ZMYND19: variants seen among roughly 807,000 people sequenced by gnomAD.
The protein encoded by ZMYND19 is zinc finger MYND domain-containing protein 19.
A neutral mutation model predicts 32.0 loss-of-function variants in ZMYND19; 17 were observed. That is an observed-to-expected ratio of 0.53 (90% CI 0.36 to 0.80). ZMYND19 has a LOEUF of 0.80. Among genes scored for constraint, ZMYND19 ranks in the 30% least tolerant of loss-of-function variants. The pLI is 0.00. For synonymous variants in ZMYND19, 124 were observed against 113.6 expected, an observed-to-expected ratio of 1.09 and a Z score of -0.58; for missense variants, 250 against 293.6, an observed-to-expected ratio of 0.85 and a Z score of 1.09.
intron 1 of ZMYND19, chr9:137,588,944 C>A: frequency 1.9e-6 from 1 of 539,220 alleles, no homozygotes; most frequent in Admixed American, 3.2e-5. Flanking sequence ...AGCCAGCTGC[C>A]CACTTTAGTC....
chr9:137,582,449 C>CA lies in ZMYND19; in HGVS notation c.*93_*94insT. 6.6e-7 allele frequency: 1 copy of CA among 1,516,854 alleles called. No individual in the cohort carries two copies. Among genetic ancestry groups the CA allele is most frequent in the Non-Finnish European group, 8.8e-7 (1 of 1,134,474 alleles). 94.0% of individuals were successfully genotyped at this position (1,516,854 alleles called of 1,614,324 possible). ...GCAGCTGTCCTGGGCCCGCAGCTGG[C>CA]TTTTTTGGCACCTCCAGGTTCAACC... On this transcript the variant is annotated 3_prime_UTR_variant, in exon 6 of 6. Coordinates refer to ENST00000298585, the MANE Select transcript of ZMYND19 (RefSeq NM_138462.3).
At chr9:137,589,276 GA>G in intron 1 of ZMYND19, 3 of 966,370 alleles carry the variant, frequency 3.1e-6, no homozygotes, top group Non-Finnish European at 3.7e-6. Flanking sequence ...TTCCCTGGTG[GA>G]AAAAAGCCTC....
chr9:137,587,574 G>C, intron 3 of ZMYND19, 143 bp downstream of exon 3: 1 of 728,454 alleles, frequency 1.4e-6, no homozygotes, highest in East Asian at 2.5e-5. Context: ...TTGGGTTAGT[G>C]GTGAAGGACA....
chr9:137,584,690 G>GCCTTCC (rs1474028107), intron 4 of ZMYND19, among the ~76,000 whole-genome samples: 7 of 152,170 alleles, frequency 4.6e-5, no homozygotes, highest in Non-Finnish European at 1.0e-4. Flanking sequence ...TGCCAAGCAC[G>GCCTTCC]CCTTCCCCTT....
chr9:137,586,145 G>A (rs547518875), intron 4 of ZMYND19, among the ~76,000 whole-genome samples: 9 of 152,376 alleles, frequency 5.9e-5, no homozygotes, highest in African/African-American at 2.2e-4. Context: ...CAGGCAGGTC[G>A]GGGGCCGAGG....
At chr9:137,589,304 G>A (rs964006649) in intron 1 of ZMYND19, 4 of 983,636 alleles carry the variant, frequency 4.1e-6, no homozygotes, top group Admixed American at 6.1e-5. Flanking sequence ...AGCAGGCCCT[G>A]CCTATGCTCT....
chr9:137,587,488 G>A, intron 3 of ZMYND19: 1 of 604,308 alleles, frequency 1.7e-6, no homozygotes, highest in East Asian at 2.8e-5. Flanking sequence ...CCCTCCAGAG[G>A]CTGCCGGTCC....
intron 3 of ZMYND19, chr9:137,587,350 A>G: frequency 1.5e-6 from 1 of 649,568 alleles, no homozygotes; most frequent in Non-Finnish European, 2.6e-6. Flanking sequence ...ACTTCAGAGC[A>G]CAGACAGCCA....
intron 4 of ZMYND19, among the ~76,000 whole-genome samples, chr9:137,585,396 C>A (rs1240985127): frequency 7.8e-6 from 1 of 128,624 alleles, no homozygotes; most frequent in Non-Finnish European, 1.5e-5. Flanking sequence ...GCCTAGGCAA[C>A]AGAGCCAGAC....
chr9:137,583,519 ACTTCCCCTTC>A (rs1842170534), intron 4 of ZMYND19, among the ~76,000 whole-genome samples: 1 of 152,062 alleles, frequency 6.6e-6, no homozygotes, highest in Non-Finnish European at 1.5e-5. Flanking sequence ...CCGTCGGTCC[ACTTCCCCTTC>A]CATACCGGGA....
rs1178665456 is a variant in ZMYND19 at position 137,582,274 on chromosome 9, C to CA, written c.*268dup. On this transcript the variant is annotated 3_prime_UTR_variant, in exon 6 of 6. Coordinates refer to ENST00000298585, the MANE Select transcript of ZMYND19 (RefSeq NM_138462.3). ...TCTACCCTTCCCATTGCCTCCCCCC[C>CA]AAAAAAAACTGTACATGAGTTTACA... 5.0e-4 allele frequency: 175 copies of CA among 346,960 alleles called. No homozygotes were observed. The highest frequency in any genetic ancestry group is 2.3e-3 in the Middle Eastern group (3 of 1,310). The allele number at this position is 346,960 out of a possible 1,614,324, so 21.5% of individuals were successfully genotyped here.
At position 137,590,055 on chromosome 9, in the gene ZMYND19, G is replaced by A; in HGVS notation, c.51+158C>T. On this transcript the variant is annotated intron_variant, in intron 1 of 5. Transcript: ENST00000298585. This position sits in a 1 kb window ranked among gnomAD's most constrained non-coding sequence, Gnocchi z 4.2. Reference sequence around the variant, plus strand: ...TGCGAGAGGAAGCTGCACCCGCGCGGGGCCAGCAGCCGGGCCCGCGCAGCG... The same window carrying A: ...TGCGAGAGGAAGCTGCACCCGCGCGAGGCCAGCAGCCGGGCCCGCGCAGCG... The A allele has an allele frequency of 1.0e-6, 1 of 983,436 alleles. No homozygotes were observed. Among genetic ancestry groups the A allele is most frequent in the Non-Finnish European group, 1.2e-6 (1 of 828,886 alleles). The allele number at this position is 983,436 out of a possible 1,614,324, so 60.9% of individuals were successfully genotyped here.
intron 4 of ZMYND19, among the ~76,000 whole-genome samples, chr9:137,583,686 G>A (rs1379315153): frequency 2.0e-5 from 3 of 152,184 alleles, no homozygotes; most frequent in East Asian, 1.9e-4. Context: ...GCTGCATCAC[G>A]GAGTAAAGAA....
At chr9:137,585,134 G>A (rs1328838588) in intron 4 of ZMYND19, among the ~76,000 whole-genome samples, 1 of 152,044 alleles carries the variant, frequency 6.6e-6, no homozygotes, top group Non-Finnish European at 1.5e-5. Flanking sequence ...TCAAGAGGCT[G>A]AAGCGGGGCC....
intron 5 of ZMYND19, 45 bp downstream of exon 5, chr9:137,582,938 C>T: frequency 6.2e-7 from 1 of 1,602,696 alleles, no homozygotes; most frequent in Non-Finnish European, 8.5e-7. Context: ...GGCTGGGCTA[C>T]AGGGTAGAGG....
At chr9:137,588,291 G>C (rs1189585874) in intron 2 of ZMYND19, among the ~76,000 whole-genome samples, 1 of 152,242 alleles carries the variant, frequency 6.6e-6, no homozygotes, top group African/African-American at 2.4e-5. Flanking sequence ...TGCTAAGGCA[G>C]GCCCAGCAGA....
chr9:137,584,419 C>T (rs1227670726), intron 4 of ZMYND19, among the ~76,000 whole-genome samples: 2 of 152,214 alleles, frequency 1.3e-5, no homozygotes, highest in African/African-American at 2.4e-5. Context: ...CTGTTCTTAA[C>T]GGCAGTTATC....
chr9:137,589,100 G>A (rs1314858316), intron 1 of ZMYND19: 2 of 211,632 alleles, frequency 9.5e-6, no homozygotes, highest in East Asian at 1.2e-4. Context: ...AGAGCCAGAA[G>A]GTTTTGATTA....
rs372768285 is a variant in ZMYND19, at chr9:137,583,168, A to G, written c.360-5T>C. On this transcript the variant is annotated splice_region_variant and splice_polypyrimidine_tract_variant and intron_variant, in intron 4 of 5. Coordinates refer to ENST00000298585, the MANE Select transcript of ZMYND19 (RefSeq NM_138462.3). ...AGCCAATACAAGCTTTGCTCCCTTA[A>G]AGAAAGAAGCAGACACTTGAGTGCA... 28 of 1,613,318 alleles carry G rather than the reference A, an allele frequency of 1.7e-5. No homozygotes were observed. The highest frequency in any genetic ancestry group is 2.7e-5 in the African/African-American group (2 of 74,892).
Sources: allele counts gnomAD v4.1 joint callset (sites outside exome capture counted in the v4.1 genomes callset), GRCh38; gene constraint gnomAD v4.1.1; non-coding constraint Gnocchi (gnomAD v3.1); transcripts MANE v1.5; gene names NCBI Gene and HGNC (gene_info 2026-07-23, HGNC 2026-07-21).